The following WNT3 variants were observed in gnomAD, a reference collection of about 807,000 sequenced individuals.
The protein encoded by WNT3 is Wnt family member 3, also known as proto-oncogene Wnt-3.
Under a neutral mutation model 34.2 loss-of-function variants are expected in WNT3, and 7 were observed. The observed-to-expected ratio is 0.20, with a 90% confidence interval of 0.12 to 0.38. The LOEUF is 0.38. Among genes scored for constraint, WNT3 ranks in the 10% least tolerant of loss-of-function variants. WNT3 has a pLI of 1.00. For missense variants in WNT3, 267 were observed against 499.8 expected, an observed-to-expected ratio of 0.53 and a Z score of 4.44; for synonymous variants, 212 against 211.5, an observed-to-expected ratio of 1.00 and a Z score of -0.02.
intron 4 of WNT3, among the ~76,000 whole-genome samples, chr17:46,766,268 C>T (rs1009605727): frequency 3.3e-5 from 5 of 152,080 alleles, no homozygotes; most frequent in African/African-American, 7.2e-5. Flanking sequence ...ATTAGCCGAT[C>T]GTGGTGGCGG....
At chr17:46,791,412 G>A (rs2083985203) in intron 1 of WNT3, among the ~76,000 whole-genome samples, 1 of 152,050 alleles carries the variant, frequency 6.6e-6, no homozygotes, top group Non-Finnish European at 1.5e-5. Context: ...TCAACATGTT[G>A]GCCAGGCTGG....
At chr17:46,794,756 T>C (rs964544504) in intron 1 of WNT3, among the ~76,000 whole-genome samples, 11 of 148,774 alleles carry the variant, frequency 7.4e-5, no homozygotes, top group East Asian at 3.9e-4. Flanking sequence ...CTTTTTCTTT[T>C]TTTTTTTTTT....
At chr17:46,806,312 C>T (rs1319505572) in intron 1 of WNT3, among the ~76,000 whole-genome samples, 2 of 145,050 alleles carry the variant, frequency 1.4e-5, no homozygotes, top group African/African-American at 5.1e-5. Flanking sequence ...TCGGTTGAAG[C>T]GATTCTCCTT....
Position 46,764,107 on chromosome 17 carries a change from A to AATT in WNT3, c.*520_*522dup, listed in dbSNP as rs2059292997. ...ACCTATGGCTTTTATCAGAATGAGA[A>AATT]ATTAGCTCAAATTTGAATGGGAGTG... On this transcript the variant is annotated 3_prime_UTR_variant, in exon 5 of 5. Transcript: ENST00000225512. 1 of 152,138 alleles carries AATT rather than the reference A, an allele frequency of 6.6e-6. No homozygotes were observed. Among genetic ancestry groups the AATT allele is most frequent in the African/African-American group, 2.4e-5 (1 of 41,426 alleles). The allele number at this position is 152,138 out of a possible 1,614,324, so 9.4% of individuals were successfully genotyped here.
At chr17:46,780,516 C>T (rs934102895) in intron 1 of WNT3, among the ~76,000 whole-genome samples, 12 of 152,218 alleles carry the variant, frequency 7.9e-5, no homozygotes, top group Admixed American at 5.9e-4. Context: ...TGCCCAGGTG[C>T]GGTGGCTCAC....
intron 1 of WNT3, among the ~76,000 whole-genome samples, chr17:46,811,805 A>C (rs2084279957): frequency 6.6e-6 from 1 of 152,116 alleles, no homozygotes; most frequent in Non-Finnish European, 1.5e-5. Flanking sequence ...AAAAATTCAA[A>C]TATTAGCCAG....
In WNT3 at chr17:46,768,292, C is replaced by G. The variant is rs537643955; in HGVS notation, c.*8+20G>C. 79 of 1,612,834 alleles carry G rather than the reference C, an allele frequency of 4.9e-5. No homozygotes were observed. Among genetic ancestry groups the G allele is most frequent in the Admixed American group, 2.3e-4 (14 of 60,026 alleles). The stretch of plus-strand genomic sequence containing the variant: ...CTGCGCCCAGGCTCCCAGCCTCCCC[C>G]CTGCTTCCCGGAGCCCTACCTGGTG... On this transcript the variant is annotated intron_variant, in intron 4 of 4. Transcript: ENST00000225512. This position sits in a 1 kb window ranked among gnomAD's most constrained non-coding sequence, Gnocchi z 5.0.
Position 46,787,681 on chromosome 17 carries a change from C to T in WNT3, c.81-13772G>A, listed in dbSNP as rs144627576. On this transcript the variant is annotated intron_variant, in intron 1 of 4. Coordinates refer to ENST00000225512, the MANE Select transcript of WNT3 (RefSeq NM_030753.5). Reference sequence around the variant, plus strand: ...TATGAGATGTAGCCTCGGCCGGGCGCGGTGGCTCACGCCTGTATTCCCGGC... The same window carrying T: ...TATGAGATGTAGCCTCGGCCGGGCGTGGTGGCTCACGCCTGTATTCCCGGC... 8.6e-4 allele frequency among the ~76,000 whole-genome samples: 131 copies of T among 152,330 alleles called. 1 individual carries two copies. In the East Asian group the frequency reaches 0.022, roughly 26 times the overall value.
intron 1 of WNT3, among the ~76,000 whole-genome samples, chr17:46,789,191 A>C (rs1022406243): frequency 1.3e-5 from 2 of 151,988 alleles, no homozygotes; most frequent in Non-Finnish European, 2.9e-5. Context: ...TCTCCTCTTT[A>C]TGGGGGCCCA....
At chr17:46,772,514 C>T (rs1437356067) in intron 2 of WNT3, among the ~76,000 whole-genome samples, 1 of 152,234 alleles carries the variant, frequency 6.6e-6, no homozygotes, top group Admixed American at 6.5e-5. Context: ...GACCAACACA[C>T]CGACAAGAAC....
At chr17:46,803,993 G>A (rs1019800143) in intron 1 of WNT3, among the ~76,000 whole-genome samples, 1 of 152,106 alleles carries the variant, frequency 6.6e-6, no homozygotes. Flanking sequence ...CTGGCTGTGA[G>A]GAAACTCAGG....
chr17:46,811,099 C>T (rs910981767), intron 1 of WNT3, among the ~76,000 whole-genome samples: 3 of 152,146 alleles, frequency 2.0e-5, no homozygotes, highest in Non-Finnish European at 4.4e-5. Context: ...CAACTCCTCC[C>T]GGCTGTACAG....
chr17:46,776,597 C>CT (rs1279813666), intron 1 of WNT3, among the ~76,000 whole-genome samples: 1 of 152,182 alleles, frequency 6.6e-6, no homozygotes, highest in Non-Finnish European at 1.5e-5. Flanking sequence ...CAGGCTGCCC[C>CT]TCCCGTGCTC....
chr17:46,798,594 C>T, intron 1 of WNT3, among the ~76,000 whole-genome samples: 1 of 152,206 alleles, frequency 6.6e-6, no homozygotes, highest in South Asian at 2.1e-4. Context: ...TGGATGCACA[C>T]AGTGACTGCC....
chr17:46,769,640 G>T (rs1292946691), intron 3 of WNT3, 143 bp downstream of exon 3: 3 of 1,082,590 alleles, frequency 2.8e-6, no homozygotes, highest in Non-Finnish European at 2.7e-6. Flanking sequence ...TGTGGGGTGG[G>T]GAGGAGGCCA....
chr17:46,809,231 T>C (rs1211194833), intron 1 of WNT3, among the ~76,000 whole-genome samples: 1 of 151,574 alleles, frequency 6.6e-6, no homozygotes, highest in Non-Finnish European at 1.5e-5. Context: ...AGCAGGGGAG[T>C]GGCACCCTCA....
At chr17:46,814,362 T>C (rs188212517) in intron 1 of WNT3, among the ~76,000 whole-genome samples, 1 of 152,332 alleles carries the variant, frequency 6.6e-6, no homozygotes, top group East Asian at 1.9e-4. Context: ...TTAAGCAAAA[T>C]GTGATCCTAT....
At chr17:46,773,484 T>C (rs922777087) in intron 2 of WNT3, among the ~76,000 whole-genome samples, 184 bp downstream of exon 2, 2 of 151,760 alleles carry the variant, frequency 1.3e-5, no homozygotes, top group Non-Finnish European at 2.9e-5. Flanking sequence ...TCCTGGAGCA[T>C]CTCAAGGCGG....
At chr17:46,817,640 C>T (rs184067259) in intron 1 of WNT3, among the ~76,000 whole-genome samples, 1 of 145,640 alleles carries the variant, frequency 6.9e-6, no homozygotes, top group Non-Finnish European at 1.5e-5. Flanking sequence ...ACAGCCCCCC[C>T]CAAGCACTGC....
Sources: gnomAD v4.1 joint callset for allele counts (sites outside exome capture counted in the v4.1 genomes callset) on GRCh38, gnomAD v4.1.1 for gene constraint, Gnocchi (gnomAD v3.1) non-coding constraint, MANE v1.5 for transcripts, NCBI Gene and HGNC (gene_info 2026-07-23, HGNC 2026-07-21) for gene names.